The following VPS13B variants were observed in gnomAD, a reference collection of about 807,000 sequenced individuals.
VPS13B encodes the protein vacuolar protein sorting 13 homolog B, also known as intermembrane lipid transfer protein VPS13B.
In VPS13B, 285 loss-of-function variants were observed where a neutral mutation model predicts 426.4. The ratio of observed to expected loss-of-function variants is 0.67; its 90% CI spans 0.61 to 0.74. VPS13B has a LOEUF of 0.74. VPS13B is among the 30% of genes least tolerant of loss of function. The probability of loss-of-function intolerance (pLI) is 0.00; values close to 1 mark genes in which losing one functional copy is unlikely to be tolerated. For missense variants in VPS13B, 4,537 were observed against 4,782.6 expected (o/e 0.95, Z 1.51); for synonymous variants, 1,676 against 1,676.4 (o/e 1.00, Z 0.01).
At chr8:99,306,939 A>G (rs891266152) in intron 19 of VPS13B, among the ~76,000 whole-genome samples, 32 of 152,142 alleles carry the variant, frequency 2.1e-4, no homozygotes, top group Admixed American at 1.8e-3. Flanking sequence ...TTAGATTTCA[A>G]GCTATGCTTT....
At chr8:99,321,830 C>T (rs1226314503) in intron 19 of VPS13B, among the ~76,000 whole-genome samples, 4 of 152,098 alleles carry the variant, frequency 2.6e-5, no homozygotes, top group Non-Finnish European at 5.9e-5. Flanking sequence ...ATGATTTAAA[C>T]GTAATACATA....
At chr8:99,599,021 C>G (rs2133853375) in intron 33 of VPS13B, among the ~76,000 whole-genome samples, 1 of 152,136 alleles carries the variant, frequency 6.6e-6, no homozygotes, top group African/African-American at 2.4e-5. Context: ...TCCCTTTCCC[C>G]AGACTTTTTG....
chr8:99,453,952 C>T (rs1818326379), intron 23 of VPS13B, among the ~76,000 whole-genome samples: 1 of 152,082 alleles, frequency 6.6e-6, no homozygotes, highest in Admixed American at 6.6e-5. Flanking sequence ...TATATAATGA[C>T]ATGTATCTGT....
intron 2 of VPS13B, among the ~76,000 whole-genome samples, chr8:99,028,722 A>C (rs1218256826): frequency 1.0e-4 from 10 of 98,030 alleles, no homozygotes; most frequent in South Asian, 7.5e-4. Context: ...TGGGGGGCTG[A>C]CCCCCCCACC....
chr8:99,528,306 A>G (rs1822756826), intron 30 of VPS13B, among the ~76,000 whole-genome samples: 1 of 152,126 alleles, frequency 6.6e-6, no homozygotes, highest in Non-Finnish European at 1.5e-5. Flanking sequence ...TCTTTGAGAC[A>G]TTTATGCCCT....
At chr8:99,049,016 G>A (rs138759637) in intron 3 of VPS13B, among the ~76,000 whole-genome samples, 4 of 152,216 alleles carry the variant, frequency 2.6e-5, no homozygotes, top group Non-Finnish European at 4.4e-5. Flanking sequence ...TGCATAGAAT[G>A]TCTTTCCACC....
intron 3 of VPS13B, among the ~76,000 whole-genome samples, chr8:99,052,065 A>G (rs1238835419): frequency 2.0e-5 from 3 of 150,154 alleles, no homozygotes; most frequent in Non-Finnish European, 4.4e-5. Context: ...TTCCAACACT[A>G]TGTTGAATAG....
chr8:99,641,625 A>G (rs1277642839), intron 33 of VPS13B, among the ~76,000 whole-genome samples, 186 bp from the exon 34 acceptor site: 2 of 152,134 alleles, frequency 1.3e-5, no homozygotes, highest in African/African-American at 4.8e-5. Flanking sequence ...TTTCCTTGGC[A>G]TTTTTAGGTG....
chr8:99,097,333 T>C (rs988066970), intron 4 of VPS13B, among the ~76,000 whole-genome samples: 1 of 152,234 alleles, frequency 6.6e-6, no homozygotes, highest in Non-Finnish European at 1.5e-5. Context: ...TATTTCATTT[T>C]AATTTGACTG....
chr8:99,556,753 G>C, intron 31 of VPS13B, 100 bp downstream of exon 31: 1 of 1,292,408 alleles, frequency 7.7e-7, no homozygotes. Context: ...TAAGTATTTT[G>C]GTATTGCTTC....
Position 99,720,338 on chromosome 8 carries a change from T to G in VPS13B, c.6658-7T>G. The G allele has an allele frequency of 1.9e-6, 3 of 1,611,372 alleles. No homozygotes were observed. Among genetic ancestry groups the G allele is most frequent in the Non-Finnish European group, 1.7e-6 (2 of 1,179,274 alleles). On this transcript the variant is annotated splice_polypyrimidine_tract_variant and splice_region_variant and intron_variant, in intron 37 of 61. Coordinates refer to ENST00000357162, the MANE Select transcript of VPS13B (RefSeq NM_152564.5). ...AAAGCTACTAGAATTTTTTTATGAT[T>G]TTAAAGGTCTTCTGGGGTCAAGAAC...
chr8:99,119,037 T>G (rs1847813270), intron 7 of VPS13B, among the ~76,000 whole-genome samples: 1 of 152,196 alleles, frequency 6.6e-6, no homozygotes, highest in Non-Finnish European at 1.5e-5. Context: ...TTGCTAACAT[T>G]CAATGGTGTA....
rs1402449887 is a variant in VPS13B at position 99,501,707 on chromosome 8, T to A, written c.3891T>A (p.Gly1297=). 1 of 1,614,116 alleles carries A rather than the reference T, an allele frequency of 6.2e-7. No homozygotes were observed. The highest frequency in any genetic ancestry group is 8.5e-7 in the Non-Finnish European group (1 of 1,180,016). Residue 1297 remains glycine, a synonymous_variant, in exon 26 of 62, where the codon GGT becomes GGA. Coordinates refer to ENST00000357162, the MANE Select transcript of VPS13B (RefSeq NM_152564.5). The part of the protein sequence containing the change: ...TTTEGDSIQA[G]EESPFSDSVT... ...CCCAGGGAGATTCTATACAAGCAGG[T>A]GAGGAATCACCATTCTCAGATTCTG...
At chr8:99,289,534 A>G (rs1002272402) in intron 19 of VPS13B, among the ~76,000 whole-genome samples, 1 of 152,144 alleles carries the variant, frequency 6.6e-6, no homozygotes, top group Non-Finnish European at 1.5e-5. Context: ...TAGCTGGATG[A>G]GTTGACAGAG....
intron 8 of VPS13B, among the ~76,000 whole-genome samples, chr8:99,129,590 A>T (rs1007613945): frequency 6.7e-6 from 1 of 150,062 alleles, no homozygotes; most frequent in Non-Finnish European, 1.5e-5. Context: ...AAAAAAAAAA[A>T]GTCTGACATT....
rs141472177 is a variant in VPS13B, at chr8:99,604,715, C to A, written c.5220+27082C>A. Among the ~76,000 whole-genome samples, 267 of 152,052 alleles carry A rather than the reference C, an allele frequency of 1.8e-3. 1 individual carries two copies. Among genetic ancestry groups the A allele is most frequent in the African/African-American group, 6.3e-3 (261 of 41,510 alleles). On this transcript the variant is annotated intron_variant, in intron 33 of 61. Transcript: ENST00000357162. ...GATGGGGTTTCACAGTGGTCTCGAT[C>A]TCCTGACCTAGTGATCCACCCGCCT...
intron 24 of VPS13B, among the ~76,000 whole-genome samples, chr8:99,471,827 C>CTAGA (rs1819423353): frequency 6.6e-6 from 1 of 152,080 alleles, no homozygotes. Context: ...CCCACAAAGC[C>CTAGA]TAGAGTATTT....
intron 21 of VPS13B, among the ~76,000 whole-genome samples, chr8:99,411,360 C>G (rs1815653518): frequency 6.6e-6 from 1 of 152,308 alleles, no homozygotes; most frequent in African/African-American, 2.4e-5. Flanking sequence ...TAAATGTCTT[C>G]TTTTGAGAAG....
chr8:99,576,573 A>G (rs977090893), intron 32 of VPS13B, among the ~76,000 whole-genome samples: 12 of 152,046 alleles, frequency 7.9e-5, no homozygotes, highest in African/African-American at 2.9e-4. Flanking sequence ...AAGCTGTCTC[A>G]TTTGCATTTG....
Sources: allele counts gnomAD v4.1 joint callset (sites outside exome capture counted in the v4.1 genomes callset), GRCh38; gene constraint gnomAD v4.1.1; transcripts MANE v1.5; gene names NCBI Gene and HGNC (gene_info 2026-07-23, HGNC 2026-07-21).